SRPRB: variants seen among roughly 807,000 people sequenced by gnomAD.
SRPRB encodes the protein signal recognition particle receptor subunit beta.
SRPRB carries 20 observed loss-of-function variants against 31.9 expected under a neutral mutation model. The observed-to-expected ratio is 0.63, with a 90% CI of 0.44 to 0.91. SRPRB has a LOEUF of 0.91. Among genes scored for constraint, SRPRB ranks in the 40% least tolerant of loss-of-function variants. SRPRB has a pLI of 0.00. For missense variants in SRPRB, 321 were observed against 324.9 expected (o/e 0.99, Z 0.09); for synonymous variants, 146 against 132.8 (o/e 1.10, Z -0.68).
downstream of SRPRB, among the ~76,000 whole-genome samples, chr3:133,821,745 A>G (rs1935479023): frequency 6.6e-6 from 1 of 152,190 alleles, no homozygotes; most frequent in Non-Finnish European, 1.5e-5. Context: ...TTCAATAGCA[A>G]GTCTGGTATT....
upstream of SRPRB, among the ~76,000 whole-genome samples, chr3:133,804,095 C>CAAAAAAAAA (rs1205426598): frequency 2.9e-4 from 17 of 58,142 alleles, no homozygotes; most frequent in African/African-American, 7.4e-4. Context: ...GACTCTGTCT[C>CAAAAAAAAA]AAAAAAAAAA....
chr3:133,808,366 C>T (rs1383589931), intron 3 of SRPRB, among the ~76,000 whole-genome samples: 5 of 151,494 alleles, frequency 3.3e-5, no homozygotes, highest in East Asian at 1.9e-4. Flanking sequence ...TTTTCTCATA[C>T]GGCTGATACA....
downstream of SRPRB, chr3:133,827,327 TAC>T (rs1935580633): frequency 6.6e-6 from 1 of 152,308 alleles, no homozygotes; most frequent in Non-Finnish European, 1.5e-5. Context: ...GGGTGGGGTT[TAC>T]ATTTTGGCCA....
At chr3:133,806,113 A>C in intron 1 of SRPRB, 111 bp downstream of exon 1, 1 of 1,417,622 alleles carries the variant, frequency 7.1e-7, no homozygotes, top group East Asian at 2.5e-5. Flanking sequence ...TGAGGGCATC[A>C]GGAGGGTGAG....
chr3:133,796,027 GC>G (rs1559886886), intron 1 of SRPRB: 2 of 152,332 alleles, frequency 1.3e-5, no homozygotes, highest in African/African-American at 4.8e-5. Context: ...CAGACCACAG[GC>G]CAGGTTTTGT....
downstream of SRPRB, chr3:133,824,493 C>CCAT (rs967284365): frequency 6.6e-6 from 1 of 152,284 alleles, no homozygotes; most frequent in Admixed American, 6.5e-5. Flanking sequence ...CCTGAAGGAA[C>CCAT]CATCTAAACC....
At position 133,818,574 on chromosome 3, in the gene SRPRB, CAT is replaced by C. The variant is rs575203741; in HGVS notation, c.603-978_603-977del. On this transcript the variant is annotated intron_variant, in intron 6 of 6. Transcript: ENST00000678299. The stretch of plus-strand genomic sequence containing the variant: ...ATGGCCTTGTGGCAAAAGCTGAATA[CAT>C]GTTTTACTTTTTTCCTTAAAAAATT... Among the ~76,000 whole-genome samples the C allele has an allele frequency of 3.4e-5, 4 of 118,944 alleles. No individual in the cohort carries two copies. In the East Asian group the frequency reaches 8.2e-4, roughly 24 times the overall value. The allele number at this position is 118,944 out of a possible 152,430, so 78.0% of individuals were successfully genotyped here.
chr3:133,812,408 T>A (rs1196909373), intron 4 of SRPRB, among the ~76,000 whole-genome samples: 1 of 152,266 alleles, frequency 6.6e-6, no homozygotes, highest in Non-Finnish European at 1.5e-5. Context: ...ATTAAATGTT[T>A]TTTCTTTTTC....
chr3:133,828,258 G>A (rs1406261487), downstream of SRPRB: 1 of 492,266 alleles, frequency 2.0e-6, no homozygotes, highest in African/African-American at 1.9e-5. Flanking sequence ...GATTTAACTG[G>A]AGTAGGGCCT....
rs1320049872 is a variant in SRPRB at position 133,821,383 on chromosome 3, C to CA, written c.*1619dup. The CA allele has an allele frequency of 1.3e-5, 2 of 152,166 alleles. No individual in the cohort carries two copies. The highest frequency in any genetic ancestry group is 4.8e-5 in the African/African-American group (2 of 41,412). The allele number at this position is 152,166 out of a possible 1,614,324, so 9.4% of individuals were successfully genotyped here. A position where few individuals can be genotyped will look rare whatever the true frequency, so the allele number is the denominator to read the frequency against. On this transcript the variant is annotated 3_prime_UTR_variant, in exon 7 of 7. Coordinates refer to ENST00000678299, the MANE Select transcript of SRPRB (RefSeq NM_001379313.1). ...ATTTCTTGCCCTTTTCCTTATTAGG[C>CA]AAGCAGTAACTTAGGAAGTAGGTAA...
intron 6 of SRPRB, among the ~76,000 whole-genome samples, chr3:133,819,138 T>C (rs562449020): frequency 2.6e-5 from 4 of 152,278 alleles, no homozygotes; most frequent in African/African-American, 7.2e-5. Context: ...AAACTCCATA[T>C]CCAAATAGAC....
At chr3:133,784,498 T>G (rs1414305626) in intron 1 of SRPRB, 1 of 146,174 alleles carries the variant, frequency 6.8e-6, no homozygotes, top group South Asian at 2.2e-4. Flanking sequence ...ATAATAATAA[T>G]AATAATAATA....
At chr3:133,823,798 G>T (rs1295823231), downstream of SRPRB, among the ~76,000 whole-genome samples, 1 of 152,080 alleles carries the variant, frequency 6.6e-6, no homozygotes, top group East Asian at 1.9e-4. Context: ...GTTGTCAAAG[G>T]TCATTATAGT....
At chr3:133,810,621 G>GTACAAAAGTT (rs1175505876) in intron 3 of SRPRB, 1 of 152,176 alleles carries the variant, frequency 6.6e-6, no homozygotes, top group African/African-American at 2.4e-5. Context: ...TGATAAAAGT[G>GTACAAAAGTT]TACTTTGTTA....
intron 1 of SRPRB, chr3:133,795,092 A>G (rs1288180899): frequency 2.0e-5 from 3 of 152,226 alleles, no homozygotes; most frequent in South Asian, 2.1e-4. Flanking sequence ...TAAACAGAAG[A>G]GTATCTGTGC....
downstream of SRPRB, chr3:133,828,446 A>C (rs2107983630): frequency 2.5e-6 from 1 of 393,322 alleles, no homozygotes; most frequent in East Asian, 5.7e-5. Flanking sequence ...CAAAAACAAA[A>C]AGCACATCTT....
Position 133,815,745 on chromosome 3 carries a change from G to T in SRPRB, c.547+19G>T, listed in dbSNP as rs1935355014. ...AAGCAAGGTGCCATCATGTTTTCTT[G>T]CAATAATAATTGAGTTTTTTGGGGA... On this transcript the variant is annotated intron_variant, in intron 5 of 6. Coordinates refer to ENST00000678299, the MANE Select transcript of SRPRB (RefSeq NM_001379313.1). The T allele has an allele frequency of 6.2e-7, 1 of 1,608,398 alleles. No homozygotes were observed. The highest frequency in any genetic ancestry group is 8.5e-7 in the Non-Finnish European group (1 of 1,176,262).
At position 133,811,094 on chromosome 3, in the gene SRPRB, AATGTT is replaced by A; in HGVS notation, c.328-20_328-16del. 1 of 1,612,360 alleles carries A rather than the reference AATGTT, an allele frequency of 6.2e-7. No individual in the cohort carries two copies. The highest frequency in any genetic ancestry group is 8.5e-7 in the Non-Finnish European group (1 of 1,178,452). On this transcript the variant is annotated intron_variant, in intron 3 of 6. Transcript: ENST00000678299. ...GAACGTGGAACTGTATTGAAACGTTAATGTTATTGCTGCCATCCCCAGGGCAATAG... is the reference window on the plus strand; with the variant it reads ...GAACGTGGAACTGTATTGAAACGTTAATTGCTGCCATCCCCAGGGCAATAG...
At chr3:133,812,676 A>G (rs565122150) in intron 4 of SRPRB, among the ~76,000 whole-genome samples, 5 of 152,276 alleles carry the variant, frequency 3.3e-5, no homozygotes, top group African/African-American at 1.2e-4. Context: ...TGTTCTTATC[A>G]TGGTTCCCCT....
Sources: allele counts gnomAD v4.1 joint callset (sites outside exome capture counted in the v4.1 genomes callset), GRCh38; gene constraint gnomAD v4.1.1; transcripts MANE v1.5; gene names NCBI Gene and HGNC (gene_info 2026-07-23, HGNC 2026-07-21).